TSHR: variants seen among roughly 807,000 people sequenced by gnomAD.
TSHR encodes thyroid stimulating hormone receptor.
A neutral mutation model predicts 64.1 loss-of-function variants in TSHR; 51 were observed. That is an observed-to-expected ratio of 0.80 (90% CI 0.64 to 1.01). The LOEUF is 1.01. Among genes scored for constraint, TSHR ranks in the 50% least tolerant of loss-of-function variants. The pLI, the probability that TSHR is intolerant of heterozygous loss-of-function variation, is 0.00. For missense variants in TSHR, 877 were observed against 942.8 expected, an observed-to-expected ratio of 0.93 and a Z score of 0.91; for synonymous variants, 361 against 361.9, an observed-to-expected ratio of 1.00 and a Z score of 0.03.
intron 1 of TSHR, among the ~76,000 whole-genome samples, chr14:80,969,595 C>T (rs1016737096): frequency 5.9e-5 from 9 of 152,158 alleles, no homozygotes; most frequent in Non-Finnish European, 1.2e-4. Flanking sequence ...GGAGAAGTAT[C>T]TTGATTAGAC....
At chr14:81,036,907 C>T (rs141578713) in intron 1 of TSHR, among the ~76,000 whole-genome samples, 1 of 152,152 alleles carries the variant, frequency 6.6e-6, no homozygotes, top group East Asian at 1.9e-4. Context: ...CTTTGGGAGG[C>T]CGAGGTGGGT....
chr14:81,075,278 G>C (rs938587211), intron 3 of TSHR, among the ~76,000 whole-genome samples: 1 of 152,150 alleles, frequency 6.6e-6, no homozygotes, highest in South Asian at 2.1e-4. Context: ...TCACACAGCA[G>C]CACCAAAGTC....
chr14:81,052,540 G>A (rs938587759), intron 1 of TSHR: 5 of 152,104 alleles, frequency 3.3e-5, no homozygotes, highest in African/African-American at 1.2e-4. Flanking sequence ...GTCTATTGTG[G>A]CTCCATACAA....
At chr14:81,022,098 TA>T (rs1883789233) in intron 1 of TSHR, among the ~76,000 whole-genome samples, 1 of 45,326 alleles carries the variant, frequency 2.2e-5, no homozygotes, top group Non-Finnish European at 4.5e-5. Flanking sequence ...CCGTCTCTAC[TA>T]AAAATACAAA....
chr14:81,073,015 A>AT lies in TSHR; in HGVS notation c.317+4687_317+4688insT, dbSNP rs1490019284. ...CCGTCTCAAAAAAAAAAAAAAATAA[A>AT]AAATAAATATATATATATATATATA... is the stretch of plus-strand genomic sequence containing the variant. On this transcript the variant is annotated intron_variant, in intron 3 of 9. Transcript: ENST00000298171. Among the ~76,000 whole-genome samples the AT allele has an allele frequency of 3.5e-3, 320 of 92,032 alleles. 115 individuals carry two copies. Among genetic ancestry groups the AT allele is most frequent in the African/African-American group, 0.013 (304 of 23,564 alleles). 60.4% of individuals were successfully genotyped at this position (92,032 alleles called of 152,430 possible).
chr14:81,018,331 A>G (rs780454995), intron 1 of TSHR, among the ~76,000 whole-genome samples: 40 of 152,328 alleles, frequency 2.6e-4, no homozygotes, highest in South Asian at 2.1e-3. Flanking sequence ...TTCATTTGGT[A>G]TATCTGAGAA....
chr14:81,008,181 T>C (rs1236288544), intron 1 of TSHR, among the ~76,000 whole-genome samples: 66 of 151,542 alleles, frequency 4.4e-4, no homozygotes, highest in Non-Finnish European at 5.9e-5. Context: ...CTTTCTTTTT[T>C]TTTTTTTTTG....
chr14:80,990,400 C>T (rs1487582153), intron 1 of TSHR, among the ~76,000 whole-genome samples: 1 of 152,216 alleles, frequency 6.6e-6, no homozygotes, highest in Non-Finnish European at 1.5e-5. Context: ...AAGTTACTCC[C>T]CTGCACTTCC....
chr14:81,114,690 G>A (rs1890405972), intron 8 of TSHR, among the ~76,000 whole-genome samples: 1 of 152,214 alleles, frequency 6.6e-6, no homozygotes, highest in Non-Finnish European at 1.5e-5. Flanking sequence ...AGCTCAAGGA[G>A]GCCTGCCTGC....
chr14:81,099,507 G>A (rs1268847127), intron 7 of TSHR: 1 of 152,164 alleles, frequency 6.6e-6, no homozygotes, highest in Non-Finnish European at 1.5e-5. Flanking sequence ...GCTAAACACA[G>A]AAGTTAAAAT....
At chr14:81,082,646 CAAGAGTTAAA>C (rs200150047) in intron 3 of TSHR, among the ~76,000 whole-genome samples, 4,402 of 152,198 alleles carry the variant, frequency 0.029, 208 homozygotes, top group African/African-American at 0.099. Flanking sequence ...CAAATTGAAA[CAAGAGTTAAA>C]AAGAAGCTGG....
At chr14:80,965,678 T>C (rs1223125786) in intron 1 of TSHR, among the ~76,000 whole-genome samples, 1 of 152,248 alleles carries the variant, frequency 6.6e-6, no homozygotes, top group African/African-American at 2.4e-5. Context: ...TCCCATTTGT[T>C]CAAAATTATA....
intron 3 of TSHR, among the ~76,000 whole-genome samples, chr14:81,077,942 T>A (rs1030431415): frequency 1.3e-5 from 2 of 152,170 alleles, no homozygotes; most frequent in African/African-American, 4.8e-5. Context: ...ACATATCATG[T>A]AAGAACCTTT....
intron 2 of TSHR, among the ~76,000 whole-genome samples, chr14:81,064,475 A>G (rs542549035): frequency 6.6e-6 from 1 of 152,176 alleles, no homozygotes; most frequent in East Asian, 1.9e-4. Flanking sequence ...ACACAGACAG[A>G]ATTTTTTCAT....
At chr14:81,098,837 C>T (rs553333552) in intron 7 of TSHR, among the ~76,000 whole-genome samples, 2 of 152,076 alleles carry the variant, frequency 1.3e-5, no homozygotes, top group South Asian at 2.1e-4. Flanking sequence ...AGAGAAAGAA[C>T]CTGAAACCTG....
intron 2 of TSHR, among the ~76,000 whole-genome samples, chr14:81,067,284 G>A (rs1886690037): frequency 6.6e-6 from 1 of 151,192 alleles, no homozygotes; most frequent in Admixed American, 6.6e-5. Flanking sequence ...TTGCTATTTT[G>A]AGGAACTCTT....
intron 1 of TSHR, among the ~76,000 whole-genome samples, chr14:80,956,191 G>A (rs892163853): frequency 6.6e-6 from 1 of 152,184 alleles, no homozygotes; most frequent in Admixed American, 6.5e-5. Context: ...AAGGATAATG[G>A]CATCTCAGGA....
rs121908871 is a variant in TSHR at position 81,143,228 on chromosome 14, T to G, written c.1170T>G (p.Cys390Trp). The G allele has an allele frequency of 7.1e-5, 114 of 1,614,030 alleles. No individual in the cohort carries two copies. The highest frequency in any genetic ancestry group is 9.3e-5 in the Non-Finnish European group (110 of 1,180,032). ...AFDSHYDYTI[C>W]GDSEDMVCTP... ...ACAGCCATTATGACTACACCATATG[T>G]GGGGACAGTGAAGACATGGTGTGTA... Residue 390 changes from cysteine to tryptophan, a missense_variant, in exon 10 of 10, where the codon TGT (cysteine) becomes TGG (tryptophan). By Grantham distance (215) the Cys-to-Trp change is radical (BLOSUM62 -2). Transcript: ENST00000298171.
At chr14:81,079,803 T>C (rs1206508229) in intron 3 of TSHR, among the ~76,000 whole-genome samples, 1 of 150,150 alleles carries the variant, frequency 6.7e-6, no homozygotes, top group African/African-American at 2.5e-5. Flanking sequence ...CTGTAGTGAG[T>C]CATGATCGTG....
Sources: allele counts gnomAD v4.1 joint callset (sites outside exome capture counted in the v4.1 genomes callset), GRCh38; gene constraint gnomAD v4.1.1; transcripts MANE v1.5; gene names NCBI Gene and HGNC (gene_info 2026-07-23, HGNC 2026-07-21).